AFF3: variants seen among roughly 807,000 people sequenced by gnomAD.
The protein encoded by AFF3 is AF4/FMR2 family member 3.
AFF3 carries 32 observed loss-of-function variants against 129.7 expected under a neutral mutation model. The ratio of observed to expected loss-of-function variants is 0.25; its 90% CI spans 0.19 to 0.33. The LOEUF is 0.33. AFF3 is among the 10% of genes least tolerant of loss of function. The probability of loss-of-function intolerance (pLI) is 1.00; values close to 1 mark genes in which losing one functional copy is unlikely to be tolerated. For missense variants in AFF3, 1,373 were observed against 1,592.0 expected, an observed-to-expected ratio of 0.86 and a Z score of 2.34; for synonymous variants, 644 against 635.4, an observed-to-expected ratio of 1.01 and a Z score of -0.20.
chr2:99,621,176 T>C (rs1226591921), intron 13 of AFF3, among the ~76,000 whole-genome samples: 2 of 152,236 alleles, frequency 1.3e-5, no homozygotes, highest in Non-Finnish European at 2.9e-5. Flanking sequence ...TGATGAGCAA[T>C]GGCGAGGCCA....
Position 99,587,186 on chromosome 2 carries a change from C to A in AFF3, c.2559G>T (p.Leu853Phe), listed in dbSNP as rs1678203296. The change falls in exon 16 of 25, where the codon TTG (leucine) becomes TTT (phenylalanine). Residue 853 changes from leucine to phenylalanine, a missense_variant. Leu to Phe is a conservative substitution (Grantham distance 22). Coordinates refer to ENST00000672756, the MANE Select transcript of AFF3 (RefSeq NM_001386135.1). ...TGTTCATGTTGCAGTGGTTTGCAGA[C>A]AAAGTATTACTGGTGGAGGTGGCCA... is the stretch of plus-strand genomic sequence containing the variant. ...SRLATSTSNT[L>F]SANHCNMNIN... The A allele has an allele frequency of 1.9e-6, 3 of 1,614,178 alleles. No homozygotes were observed. The highest frequency in any genetic ancestry group is 1.3e-5 in the African/African-American group (1 of 75,058).
intron 19 of AFF3, 33 bp downstream of exon 19, chr2:99,568,819 G>T: frequency 6.2e-7 from 1 of 1,602,002 alleles, no homozygotes; most frequent in Non-Finnish European, 8.6e-7. Context: ...CACATAATTT[G>T]GAAGAACGTA....
chr2:100,079,855 A>G (rs528017615), intron 4 of AFF3, among the ~76,000 whole-genome samples: 15 of 152,228 alleles, frequency 9.9e-5, no homozygotes, highest in Admixed American at 9.8e-4. Context: ...GACTCACCAC[A>G]CAAAAAGAAG....
At chr2:99,690,384 T>C (rs2104653385) in intron 11 of AFF3, among the ~76,000 whole-genome samples, 1 of 151,742 alleles carries the variant, frequency 6.6e-6, no homozygotes, top group South Asian at 2.1e-4. Flanking sequence ...GGTTTCACCG[T>C]GTTAGCCAGG....
At position 99,554,674 on chromosome 2, in the gene AFF3, C is replaced by T. The variant is rs369959845; in HGVS notation, c.3335+9G>A. ...GCTTACGGCATTGACTTTGGAAAAGCGAACTTACTTTCCACTGGCCCCCCA... is the reference window on the plus strand; with the variant it reads ...GCTTACGGCATTGACTTTGGAAAAGTGAACTTACTTTCCACTGGCCCCCCA... On this transcript the variant is annotated intron_variant, in intron 23 of 24. Coordinates refer to ENST00000672756, the MANE Select transcript of AFF3 (RefSeq NM_001386135.1). The T allele has an allele frequency of 6.8e-6, 11 of 1,614,020 alleles. No homozygotes were observed. The highest frequency in any genetic ancestry group is 3.3e-5 in the Admixed American group (2 of 59,978).
chr2:99,765,381 T>G (rs1221453268), intron 8 of AFF3, among the ~76,000 whole-genome samples: 1 of 152,148 alleles, frequency 6.6e-6, no homozygotes, highest in African/African-American at 2.4e-5. Flanking sequence ...AATTTGGAAA[T>G]GTGCATTCAA....
chr2:99,837,508 T>G lies in AFF3; in HGVS notation c.890A>C (p.Glu297Ala). ...PKQGEESRSG[E>A]TNSCVEEIIR... ...TATTTCTTCAACACAGCTGTTGGTT[T>G]CTCCAGATCTACTCTCCTGAAAGCA... The change falls in exon 8 of 25, where the codon GAA becomes GCA. Residue 297 changes from glutamate to alanine, a missense_variant. Glu to Ala is a moderately radical substitution (Grantham distance 107). This residue lies in a region of AFF3 where 413 missense variants were observed against 424.4 expected (regional missense o/e 0.97). Transcript: ENST00000672756. 6.2e-7 allele frequency: 1 copy of G among 1,613,690 alleles called. No individual in the cohort carries two copies. The highest frequency in any genetic ancestry group is 8.5e-7 in the Non-Finnish European group (1 of 1,179,876).
intron 7 of AFF3, among the ~76,000 whole-genome samples, chr2:99,934,527 T>C (rs924422688): frequency 1.3e-5 from 2 of 152,044 alleles, no homozygotes; most frequent in African/African-American, 4.8e-5. Flanking sequence ...GCAAATCACC[T>C]CTCAAGAACC....
intron 1 of AFF3, among the ~76,000 whole-genome samples, chr2:100,138,978 A>G (rs576883294): frequency 2.7e-5 from 4 of 148,394 alleles, no homozygotes; most frequent in Non-Finnish European, 3.0e-5. Context: ...ACTAAATGGG[A>G]CACAACAACT....
At chr2:99,816,965 G>T (rs1172699153) in intron 8 of AFF3, among the ~76,000 whole-genome samples, 1 of 152,112 alleles carries the variant, frequency 6.6e-6, no homozygotes, top group Non-Finnish European at 1.5e-5. Context: ...GAATGACAGG[G>T]AATATGATTC....
chr2:99,952,006 TTA>T (rs1395358905), intron 7 of AFF3, among the ~76,000 whole-genome samples: 10 of 152,244 alleles, frequency 6.6e-5, no homozygotes, highest in African/African-American at 2.4e-4. Context: ...GCTGCCTTGC[TTA>T]GAGAGCAAGA....
chr2:100,055,389 C>T (rs1686680249), intron 4 of AFF3, among the ~76,000 whole-genome samples: 1 of 151,430 alleles, frequency 6.6e-6, no homozygotes, highest in Admixed American at 6.6e-5. Flanking sequence ...CCTTGCTGCA[C>T]TCCCCACTAG....
intron 7 of AFF3, among the ~76,000 whole-genome samples, chr2:99,970,355 G>A (rs1678235656): frequency 6.6e-6 from 1 of 152,032 alleles, no homozygotes; most frequent in South Asian, 2.1e-4. Context: ...TCTACAGCTT[G>A]AAACAGCCAC....
intron 8 of AFF3, among the ~76,000 whole-genome samples, chr2:99,813,248 G>C (rs1021605066): frequency 6.6e-6 from 1 of 152,110 alleles, no homozygotes; most frequent in Non-Finnish European, 1.5e-5. Flanking sequence ...AAGATGAGAC[G>C]GCACCAGTTC....
At chr2:100,052,050 C>CAG (rs1686378557) in intron 4 of AFF3, among the ~76,000 whole-genome samples, 1 of 152,172 alleles carries the variant, frequency 6.6e-6, no homozygotes, top group Non-Finnish European at 1.5e-5. Flanking sequence ...AGGAGGACTG[C>CAG]AGAGGGTGGG....
intron 8 of AFF3, among the ~76,000 whole-genome samples, chr2:99,787,661 T>C (rs774651282): frequency 6.6e-6 from 1 of 152,208 alleles, no homozygotes; most frequent in Non-Finnish European, 1.5e-5. Context: ...TACTTCTGAC[T>C]GGAGACTTAG....
At chr2:99,955,507 A>G (rs1219230752) in intron 7 of AFF3, among the ~76,000 whole-genome samples, 3 of 152,186 alleles carry the variant, frequency 2.0e-5, no homozygotes, top group Non-Finnish European at 4.4e-5. Flanking sequence ...TATATACAAA[A>G]AAAAGATGAA....
chr2:99,708,715 C>T (rs1320358775), intron 11 of AFF3, among the ~76,000 whole-genome samples: 1 of 151,964 alleles, frequency 6.6e-6, no homozygotes, highest in East Asian at 1.9e-4. Flanking sequence ...ACTTTTTGGG[C>T]ATTTTGAAAG....
In AFF3 at chr2:99,552,448, G is replaced by T. The variant is rs1318036394; in HGVS notation, c.3560-853C>A. Among the ~76,000 whole-genome samples, 3 of 152,192 alleles carry T rather than the reference G, an allele frequency of 2.0e-5. No homozygotes were observed. The East Asian group carries it at 5.8e-4, about 29-fold the overall frequency. ...ACTCTGCTAGGTGCAGGGGTGGGTA[G>T]GGGATGATAGCAGGATGAATTGTGT... On this transcript the variant is annotated intron_variant, in intron 24 of 24. Coordinates refer to ENST00000672756, the MANE Select transcript of AFF3 (RefSeq NM_001386135.1).
Sources: allele counts gnomAD v4.1 joint callset (sites outside exome capture counted in the v4.1 genomes callset), GRCh38; gene constraint gnomAD v4.1.1; regional missense constraint gnomAD v4.1.1; transcripts MANE v1.5; gene names NCBI Gene and HGNC (gene_info 2026-07-23, HGNC 2026-07-21).